The following RBFOX3 variants were observed in gnomAD, a reference collection of about 807,000 sequenced individuals.
RBFOX3 encodes RNA binding protein fox-1 homolog 3.
RBFOX3 carries 17 observed loss-of-function variants against 48.7 expected under a neutral mutation model. That is an observed-to-expected ratio of 0.35 (90% CI 0.24 to 0.52). RBFOX3 has a LOEUF of 0.52. Among genes scored for constraint, RBFOX3 ranks in the 20% least tolerant of loss-of-function variants. The pLI is 0.94. For synonymous variants in RBFOX3, 212 were observed against 209.5 expected, an observed-to-expected ratio of 1.01 and a Z score of -0.10; for missense variants, 382 against 497.5, an observed-to-expected ratio of 0.77 and a Z score of 2.21.
At chr17:79,138,432 C>A (rs1179582312) in intron 4 of RBFOX3, among the ~76,000 whole-genome samples, 1 of 152,056 alleles carries the variant, frequency 6.6e-6, no homozygotes, top group Non-Finnish European at 1.5e-5. Flanking sequence ...CACACTCTCA[C>A]ACTGTGAACA....
chr17:79,414,738 C>T (rs538865528), intron 2 of RBFOX3, among the ~76,000 whole-genome samples: 46 of 152,336 alleles, frequency 3.0e-4, no homozygotes, highest in South Asian at 2.5e-3. Context: ...GGGAAGACAG[C>T]GTGCCCACGG....
chr17:79,662,753 T>G, the RBFOX3 span, among the ~76,000 whole-genome samples: 1 of 152,034 alleles, frequency 6.6e-6, no homozygotes, highest in Non-Finnish European at 1.5e-5. Context: ...AATAAAAAGT[T>G]TGTAGAGGAA....
intron 2 of RBFOX3, among the ~76,000 whole-genome samples, chr17:79,426,403 G>A (rs2067386735): frequency 6.6e-6 from 1 of 152,182 alleles, no homozygotes; most frequent in South Asian, 2.1e-4. Flanking sequence ...ATTCTAAACT[G>A]GCATCCCTGA....
At chr17:79,358,556 G>T (rs1391642766) in intron 2 of RBFOX3, among the ~76,000 whole-genome samples, 1 of 152,152 alleles carries the variant, frequency 6.6e-6, no homozygotes, top group Non-Finnish European at 1.5e-5. Context: ...TACCTCCCGG[G>T]TTCAAGCAAT....
rs1304586880 is a variant in RBFOX3 at position 79,418,300 on chromosome 17, C to G, written c.-175+64154G>C. ...TCCATCCAGCTGCCTAGTCCTCCCTCCTTGCACACCCACCCATGCACACGC... is the reference window on the plus strand; with the variant it reads ...TCCATCCAGCTGCCTAGTCCTCCCTGCTTGCACACCCACCCATGCACACGC... On this transcript the variant is annotated intron_variant, in intron 2 of 14. Coordinates refer to ENST00000693108, the MANE Select transcript of RBFOX3 (RefSeq NM_001350451.2). This position sits in a 1 kb window ranked among gnomAD's most constrained non-coding sequence, Gnocchi z 5.0. 6.6e-6 allele frequency among the ~76,000 whole-genome samples: 1 copy of G among 152,212 alleles called. No individual in the cohort carries two copies.
At chr17:79,470,951 A>C (rs2076987306) in intron 2 of RBFOX3, among the ~76,000 whole-genome samples, 1 of 152,084 alleles carries the variant, frequency 6.6e-6, no homozygotes, top group African/African-American at 2.4e-5. Flanking sequence ...CAGGCCACTT[A>C]ATCTCCCTTT....
chr17:79,191,244 G>T (rs889756477), intron 4 of RBFOX3, among the ~76,000 whole-genome samples: 1 of 152,318 alleles, frequency 6.6e-6, no homozygotes, highest in Admixed American at 6.5e-5. Context: ...TGGAGAGCAC[G>T]TGCAGCACTG....
At chr17:79,564,330 A>G (rs973250915) in intron 1 of RBFOX3, among the ~76,000 whole-genome samples, 3 of 152,212 alleles carry the variant, frequency 2.0e-5, no homozygotes, top group Non-Finnish European at 4.4e-5. Context: ...TCGTGCTGGG[A>G]AGAAAACCAG....
intron 1 of RBFOX3, among the ~76,000 whole-genome samples, chr17:79,486,286 A>G (rs1388684711): frequency 6.6e-6 from 1 of 151,798 alleles, no homozygotes; most frequent in Non-Finnish European, 1.5e-5. Context: ...CCATTCCCCC[A>G]CTTCCTGGGG....
chr17:79,303,863 G>GTGTA (rs1264888735), intron 3 of RBFOX3, among the ~76,000 whole-genome samples: 1 of 151,524 alleles, frequency 6.6e-6, no homozygotes, highest in Non-Finnish European at 1.5e-5. Flanking sequence ...GTGTGTGTGT[G>GTGTA]TGTGTGTGTG....
At position 79,535,929 on chromosome 17, in the gene RBFOX3, C is replaced by T. The variant is rs923663656; in HGVS notation, c.-319-53331G>A. Among the ~76,000 whole-genome samples, 5 of 152,154 alleles carry T rather than the reference C, an allele frequency of 3.3e-5. No homozygotes were observed. The highest frequency in any genetic ancestry group is 5.9e-5 in the Non-Finnish European group (4 of 68,026). On this transcript the variant is annotated intron_variant, in intron 1 of 14. Coordinates refer to ENST00000693108, the MANE Select transcript of RBFOX3 (RefSeq NM_001350451.2). The surrounding 1 kb of genome is among the most constrained non-coding windows in gnomAD (Gnocchi z 4.5). ...CTGCACCCCTGCCCGTGACCAGTAG[C>T]GGCAGGGTCATCTCCACAGGCCCCT...
intron 1 of RBFOX3, among the ~76,000 whole-genome samples, chr17:79,495,844 C>T (rs1374670605): frequency 2.7e-5 from 4 of 150,666 alleles, no homozygotes; most frequent in South Asian, 2.1e-4. Flanking sequence ...AGGCGGTGGA[C>T]GGGGTGGAGG....
chr17:79,370,155 A>T (rs536031607), intron 2 of RBFOX3, among the ~76,000 whole-genome samples: 7 of 152,244 alleles, frequency 4.6e-5, no homozygotes, highest in Non-Finnish European at 8.8e-5. Context: ...TCTCACCAGG[A>T]GCCAACGCTC....
intron 4 of RBFOX3, among the ~76,000 whole-genome samples, chr17:79,160,306 T>C (rs2046720953): frequency 1.3e-5 from 2 of 152,212 alleles, no homozygotes; most frequent in South Asian, 4.1e-4. Context: ...CTGGGGGCCA[T>C]GCAGGCACTA....
At chr17:79,190,909 A>G (rs2054391388) in intron 4 of RBFOX3, among the ~76,000 whole-genome samples, 1 of 152,318 alleles carries the variant, frequency 6.6e-6, no homozygotes, top group Non-Finnish European at 1.5e-5. Context: ...AGGGTGTCCA[A>G]AAGGGAAGAC....
intron 2 of RBFOX3, among the ~76,000 whole-genome samples, chr17:79,376,298 G>C (rs9890248): frequency 0.22 from 33,785 of 152,098 alleles, 3,820 homozygotes; most frequent in African/African-American, 0.23. Flanking sequence ...TTGGAAAGGA[G>C]AGAGAAAGTC....
At chr17:79,508,540 C>T (rs979671012) in intron 1 of RBFOX3, among the ~76,000 whole-genome samples, 30 of 152,318 alleles carry the variant, frequency 2.0e-4, no homozygotes, top group African/African-American at 5.3e-4. Context: ...TGCAGCACCG[C>T]GCTGGCTCGG....
intron 2 of RBFOX3, among the ~76,000 whole-genome samples, chr17:79,371,478 C>A (rs2058534650): frequency 6.6e-6 from 1 of 152,142 alleles, no homozygotes; most frequent in Non-Finnish European, 1.5e-5. Context: ...TGCTGGGCTC[C>A]ATAGACCCCA....
At chr17:79,664,748 A>G in the RBFOX3 span, among the ~76,000 whole-genome samples, 1 of 151,972 alleles carries the variant, frequency 6.6e-6, no homozygotes, top group African/African-American at 2.4e-5. Flanking sequence ...CCAAACTACA[A>G]TTCTGTCCCC....
Sources: gnomAD v4.1 joint callset for allele counts (sites outside exome capture counted in the v4.1 genomes callset) on GRCh38, gnomAD v4.1.1 for gene constraint, Gnocchi (gnomAD v3.1) non-coding constraint, MANE v1.5 for transcripts, NCBI Gene and HGNC (gene_info 2026-07-23, HGNC 2026-07-21) for gene names.